IL2RB: variants seen among roughly 807,000 people sequenced by gnomAD.
The protein encoded by IL2RB is interleukin 2 receptor subunit beta.
In IL2RB, 17 loss-of-function variants were observed where a neutral mutation model predicts 44.2. The observed-to-expected ratio is 0.38, with a 90% CI of 0.26 to 0.58. The LOEUF is 0.58. IL2RB is among the 20% of genes least tolerant of loss of function. The pLI is 0.63. For synonymous variants in IL2RB, 286 were observed against 297.9 expected (o/e 0.96, Z 0.41); for missense variants, 624 against 685.5 (o/e 0.91, Z 1.00).
chr22:37,153,258 G>A (rs1368636911), upstream of IL2RB, among the ~76,000 whole-genome samples: 5 of 152,244 alleles, frequency 3.3e-5, no homozygotes, highest in South Asian at 6.2e-4. Context: ...GAGAAGAAGA[G>A]AGAGAAGAGC....
Position 37,171,380 on chromosome 22 carries a change from G to A in IL2RB, c.-34+3578C>T, listed in dbSNP as rs1010223846. ...ACACAACAGTGAACAAAACAAAGAC[G>A]CCTGCCCTTGTGACGCTTACAGTCT... On this transcript the variant is annotated intron_variant, in intron 1 of 5. Coordinates refer to the IL2RB transcript ENST00000429622. Among the ~76,000 whole-genome samples, 5 of 152,266 alleles carry A rather than the reference G, an allele frequency of 3.3e-5. No individual in the cohort carries two copies. In the East Asian group the frequency reaches 5.8e-4, roughly 18 times the overall value.
rs747978443 is a variant in IL2RB, at chr22:37,139,116, C to T, written c.388+1G>A. ...AGCCCCACCCTGGCTTCCTCACTCA[C>T]GGTTCTCAAAGGGCTTGAAGTCCTG... On this transcript the variant is annotated splice_donor_variant, in intron 5 of 9. Coordinates refer to ENST00000216223, the MANE Select transcript of IL2RB (RefSeq NM_000878.5). LOFTEE classifies it high-confidence loss of function. The T allele has an allele frequency of 3.7e-6, 6 of 1,604,650 alleles. No homozygotes were observed. Among genetic ancestry groups the T allele is most frequent in the Admixed American group, 1.7e-5 (1 of 60,002 alleles).
chr22:37,144,616 G>C (rs1601603818), intron 1 of IL2RB, among the ~76,000 whole-genome samples: 2 of 152,104 alleles, frequency 1.3e-5, no homozygotes, highest in East Asian at 3.8e-4. Context: ...AAGGTGGTGG[G>C]TGCCTGTAGT....
At chr22:37,165,670 C>CT (rs966102881) in intron 1 of IL2RB, among the ~76,000 whole-genome samples, 2 of 151,144 alleles carry the variant, frequency 1.3e-5, no homozygotes, top group Non-Finnish European at 2.9e-5. Flanking sequence ...GAGAAGAGGG[C>CT]TTTTTTTAAA....
intron 5 of IL2RB, among the ~76,000 whole-genome samples, chr22:37,138,141 T>A (rs1921798524): frequency 6.6e-6 from 1 of 152,206 alleles, no homozygotes; most frequent in Admixed American, 6.5e-5. Context: ...GATGAATGAC[T>A]CACGGCAGCT....
At chr22:37,170,549 C>G (rs1484649744) in intron 1 of IL2RB, among the ~76,000 whole-genome samples, 1 of 152,156 alleles carries the variant, frequency 6.6e-6, no homozygotes, top group Non-Finnish European at 1.5e-5. Flanking sequence ...TGGGGGTGGA[C>G]AGTCTAGAAC....
At chr22:37,142,223 G>A (rs1376545828) in intron 4 of IL2RB, among the ~76,000 whole-genome samples, 1 of 152,160 alleles carries the variant, frequency 6.6e-6, no homozygotes, top group South Asian at 2.1e-4. Context: ...ACATACAGAG[G>A]GTCCGTCGGC....
chr22:37,136,135 C>T (rs1021488161), intron 7 of IL2RB, 93 bp downstream of exon 7: 2 of 1,366,102 alleles, frequency 1.5e-6, no homozygotes, highest in Non-Finnish European at 2.0e-6. Context: ...GACTGCTATA[C>T]CCTCACCCCA....
intron 1 of IL2RB, among the ~76,000 whole-genome samples, chr22:37,146,161 G>A (rs228975): frequency 0.41 from 62,017 of 151,804 alleles, 13,008 homozygotes; most frequent in East Asian, 0.7. Context: ...GGACACTCCA[G>A]TGACTACTTG....
At chr22:37,167,917 A>G (rs889584241) in intron 1 of IL2RB, among the ~76,000 whole-genome samples, 3 of 152,216 alleles carry the variant, frequency 2.0e-5, no homozygotes, top group Admixed American at 2.0e-4. Context: ...AGGGAGGACA[A>G]TCTTGGTGTT....
chr22:37,140,525 C>T (rs985932374), intron 4 of IL2RB, among the ~76,000 whole-genome samples: 1 of 152,018 alleles, frequency 6.6e-6, no homozygotes, highest in African/African-American at 2.4e-5. Context: ...TGAGGTCACA[C>T]AGCTAAGAAA....
rs1921845228 is a variant in IL2RB at position 37,139,166 on chromosome 22, C to G, written c.339G>C (p.Gly113=). ...IVTLRVLCRE[G]VRWRVMAIQD... is the part of the protein sequence containing the mutation. ...GGATGGCCATCACCCTCCATCGCACCCCCTCACGGCACAGCACCCTCAGGG... is the reference window on the plus strand; with the variant it reads ...GGATGGCCATCACCCTCCATCGCACGCCCTCACGGCACAGCACCCTCAGGG... Residue 113 remains glycine, a synonymous_variant, in exon 5 of 10, where the codon GGG becomes GGC. Transcript: ENST00000216223. 1 of 1,613,866 alleles carries G rather than the reference C, an allele frequency of 6.2e-7. No individual in the cohort carries two copies. The highest frequency in any genetic ancestry group is 1.7e-5 in the Admixed American group (1 of 59,992).
intron 1 of IL2RB, among the ~76,000 whole-genome samples, chr22:37,164,836 CTAGCCCT>C: frequency 6.6e-6 from 1 of 152,172 alleles, no homozygotes; most frequent in East Asian, 1.9e-4. Context: ...GGTAACTCCT[CTAGCCCT>C]TACTACGCAC....
At chr22:37,139,258 C>G in intron 4 of IL2RB, 36 bp from the exon 5 acceptor site, 1 of 1,452,160 alleles carries the variant, frequency 6.9e-7, no homozygotes, top group Non-Finnish European at 9.6e-7. Context: ...AAACTTCTAG[C>G]AGCTTCAGGC....
chr22:37,172,043 C>T (rs906966619), intron 1 of IL2RB, among the ~76,000 whole-genome samples: 8 of 127,120 alleles, frequency 6.3e-5, no homozygotes. Flanking sequence ...ATTTATGGAT[C>T]CCCAGAGCTC....
chr22:37,143,594 T>C lies in IL2RB; in HGVS notation c.130A>G (p.Ile44Val). The C allele has an allele frequency of 2.5e-6, 4 of 1,613,946 alleles. No individual in the cohort carries two copies. The highest frequency in any genetic ancestry group is 3.4e-6 in the Non-Finnish European group (4 of 1,179,980). Reference sequence around the variant, plus strand: ...CCATCTTGGCTCCAGACACAGGAGATGTTGGCTCTCGAGTTGTAGAAGCAT... The same window carrying C: ...CCATCTTGGCTCCAGACACAGGAGACGTTGGCTCTCGAGTTGTAGAAGCAT... ...FTCFYNSRANISCVWSQDGAL... is the reference protein window; with the variant it reads ...FTCFYNSRANVSCVWSQDGAL... Residue 44 changes from isoleucine (I) to valine (V), a missense_variant, in exon 3 of 10, where the codon ATC (isoleucine) becomes GTC (valine). Coordinates refer to ENST00000216223, the MANE Select transcript of IL2RB (RefSeq NM_000878.5).
rs1921769978 is a variant in IL2RB at position 37,137,581 on chromosome 22, T to A, written c.537+6A>T. The A allele has an allele frequency of 1.9e-6, 3 of 1,614,010 alleles. No homozygotes were observed. Among genetic ancestry groups the A allele is most frequent in the Non-Finnish European group, 1.7e-6 (2 of 1,179,928 alleles). ...AAGGCAGGTACGGACTGGGCCACATTCTCACCTCCCAGGTGTGGCCTGGGG... is the reference window on the plus strand; with the variant it reads ...AAGGCAGGTACGGACTGGGCCACATACTCACCTCCCAGGTGTGGCCTGGGG... On this transcript the variant is annotated splice_donor_region_variant and intron_variant, in intron 6 of 9. Transcript: ENST00000216223.
At chr22:37,142,262 G>A (rs1922004180) in intron 4 of IL2RB, among the ~76,000 whole-genome samples, 172 bp downstream of exon 4, 1 of 152,186 alleles carries the variant, frequency 6.6e-6, no homozygotes, top group African/African-American at 2.4e-5. Flanking sequence ...CCACTCCCTG[G>A]GGTGTCACCT....
Position 37,141,126 on chromosome 22 carries a change from G to A in IL2RB, c.282+1308C>T, listed in dbSNP as rs1232434551. Among the ~76,000 whole-genome samples the A allele has an allele frequency of 1.3e-5, 2 of 151,788 alleles. No individual in the cohort carries two copies. The highest frequency in any genetic ancestry group is 4.8e-5 in the African/African-American group (2 of 41,312). ...TGGCTGTGGACCCAGGCCTCCTGGT[G>A]CTGTTGGGGGCTGGGATCAGGCAAG... On this transcript the variant is annotated intron_variant, in intron 4 of 9. Transcript: ENST00000216223. This position sits in a 1 kb window ranked among gnomAD's most constrained non-coding sequence, Gnocchi z 4.4.
Sources: allele counts gnomAD v4.1 joint callset (sites outside exome capture counted in the v4.1 genomes callset), GRCh38; gene constraint gnomAD v4.1.1; non-coding constraint Gnocchi (gnomAD v3.1); transcripts MANE v1.5; gene names NCBI Gene and HGNC (gene_info 2026-07-23, HGNC 2026-07-21).